The following CCSER1 variants were observed in gnomAD, a reference collection of about 807,000 sequenced individuals.
CCSER1 encodes the protein coiled-coil serine rich protein 1.
Under a neutral mutation model 82.0 loss-of-function variants are expected in CCSER1, and 41 were observed. The ratio of observed to expected loss-of-function variants is 0.50; its 90% CI spans 0.39 to 0.65. The LOEUF is 0.65. CCSER1 is among the 30% of genes least tolerant of loss of function. CCSER1 has a pLI of 0.00. For synonymous variants in CCSER1, 414 were observed against 383.9 expected, an observed-to-expected ratio of 1.08 and a Z score of -0.92; for missense variants, 1,119 against 1,064.2, an observed-to-expected ratio of 1.05 and a Z score of -0.72.
intron 10 of CCSER1, among the ~76,000 whole-genome samples, chr4:91,087,828 T>G (rs1334224557): frequency 6.6e-6 from 1 of 152,132 alleles, no homozygotes; most frequent in Non-Finnish European, 1.5e-5. Context: ...TTAAGCATAT[T>G]TCTATTCAAT....
intron 9 of CCSER1, among the ~76,000 whole-genome samples, chr4:90,994,527 A>G (rs1255298244): frequency 6.6e-6 from 1 of 152,090 alleles, no homozygotes; most frequent in East Asian, 1.9e-4. Context: ...ACCATCATAA[A>G]TTGGAGACCA....
chr4:91,535,029 G>A (rs913723445), intron 10 of CCSER1, among the ~76,000 whole-genome samples: 14 of 151,790 alleles, frequency 9.2e-5, no homozygotes, highest in African/African-American at 3.1e-4. Context: ...CTCTACTACA[G>A]ATAATTTTAT....
intron 9 of CCSER1, among the ~76,000 whole-genome samples, chr4:91,016,008 G>C (rs895256216): frequency 1.3e-5 from 2 of 151,826 alleles, no homozygotes; most frequent in Admixed American, 6.6e-5. Context: ...ATGTTCATTC[G>C]TCTGAATACT....
At chr4:90,715,943 A>G (rs761201880) in intron 6 of CCSER1, among the ~76,000 whole-genome samples, 21 of 151,932 alleles carry the variant, frequency 1.4e-4, no homozygotes, top group Non-Finnish European at 2.5e-4. Context: ...CTAGTTAACT[A>G]CATTATAATA....
rs567612965 is a variant in CCSER1, at chr4:91,170,675, C to T, written c.2217+84681C>T. Among the ~76,000 whole-genome samples the T allele has an allele frequency of 2.0e-5, 3 of 152,264 alleles. No homozygotes were observed. In the East Asian group the frequency reaches 5.8e-4, roughly 29 times the overall value. On this transcript the variant is annotated intron_variant, in intron 10 of 10. Transcript: ENST00000509176. ...TCAAAAATCATTTTTAGTAGAAACT[C>T]ATTGTATAAGATTACACACCCACTA...
intron 10 of CCSER1, among the ~76,000 whole-genome samples, chr4:91,441,360 A>C (rs1229396350): frequency 1.3e-5 from 2 of 152,220 alleles, no homozygotes; most frequent in African/African-American, 2.4e-5. Context: ...ACAGAACCAA[A>C]GACAAAAACC....
intron 7 of CCSER1, among the ~76,000 whole-genome samples, chr4:90,810,544 G>A (rs1370698039): frequency 1.3e-5 from 2 of 151,934 alleles, no homozygotes; most frequent in African/African-American, 2.4e-5. Flanking sequence ...AGCTACTCGG[G>A]AGGCTGAGGC....
chr4:90,880,972 C>T (rs538746390), intron 8 of CCSER1, among the ~76,000 whole-genome samples: 1 of 151,682 alleles, frequency 6.6e-6, no homozygotes, highest in Middle Eastern at 3.4e-3. Context: ...TTTACCTGCC[C>T]CTTTTGCCCC....
At chr4:91,233,726 G>T (rs1327779841) in intron 10 of CCSER1, among the ~76,000 whole-genome samples, 1 of 151,820 alleles carries the variant, frequency 6.6e-6, no homozygotes, top group Non-Finnish European at 1.5e-5. Flanking sequence ...ATATATCTCT[G>T]CTCACAACAG....
chr4:90,473,932 G>A (rs1169802806), intron 5 of CCSER1, among the ~76,000 whole-genome samples: 1 of 152,158 alleles, frequency 6.6e-6, no homozygotes, highest in Non-Finnish European at 1.5e-5. Context: ...ACTCTGCATA[G>A]TGCTAGGGGT....
intron 9 of CCSER1, among the ~76,000 whole-genome samples, chr4:91,041,666 A>G (rs1316366270): frequency 1.3e-5 from 2 of 152,198 alleles, no homozygotes; most frequent in Non-Finnish European, 2.9e-5. Flanking sequence ...AAAAAAATGT[A>G]AGCACCTTCA....
At chr4:91,184,091 G>T (rs1258423972) in intron 10 of CCSER1, among the ~76,000 whole-genome samples, 1 of 152,192 alleles carries the variant, frequency 6.6e-6, no homozygotes, top group Non-Finnish European at 1.5e-5. Context: ...ACCAGCACAA[G>T]AAATCGAATT....
At position 91,287,127 on chromosome 4, in the gene CCSER1, A is replaced by G. The variant is rs192715923; in HGVS notation, c.2217+201133A>G. Among the ~76,000 whole-genome samples the G allele has an allele frequency of 1.4e-4, 22 of 152,010 alleles. No individual in the cohort carries two copies. The East Asian group carries it at 4.1e-3, about 28-fold the overall frequency. Reference sequence around the variant, plus strand: ...GGTACCTTAAAAACATACCTACCCTAATTTCCAGTCAAGTTTTTTTCCTAC... The same window carrying G: ...GGTACCTTAAAAACATACCTACCCTGATTTCCAGTCAAGTTTTTTTCCTAC... On this transcript the variant is annotated intron_variant, in intron 10 of 10. Transcript: ENST00000509176.
intron 1 of CCSER1, among the ~76,000 whole-genome samples, chr4:90,239,827 G>T (rs1578693063): frequency 6.6e-6 from 1 of 152,120 alleles, no homozygotes; most frequent in Non-Finnish European, 1.5e-5. Context: ...ATTTCCAAAT[G>T]TGAATCATAA....
At chr4:91,239,207 A>T (rs1399593153) in intron 10 of CCSER1, among the ~76,000 whole-genome samples, 1 of 124,090 alleles carries the variant, frequency 8.1e-6, no homozygotes, top group Non-Finnish European at 1.7e-5. Flanking sequence ...GGGATAACTC[A>T]AGTATAAGGA....
intron 10 of CCSER1, among the ~76,000 whole-genome samples, chr4:91,581,246 C>T (rs1053034923): frequency 6.6e-6 from 1 of 151,634 alleles, no homozygotes; most frequent in Admixed American, 6.6e-5. Context: ...TCTTCACCAG[C>T]GATATTAGAT....
intron 10 of CCSER1, among the ~76,000 whole-genome samples, chr4:91,439,774 C>T (rs1754976080): frequency 1.3e-5 from 2 of 151,886 alleles, no homozygotes; most frequent in Middle Eastern, 3.2e-3. Flanking sequence ...GGAAGATCTA[C>T]CAAGCAAATG....
chr4:90,248,937 C>T (rs983311972), intron 1 of CCSER1, among the ~76,000 whole-genome samples: 3 of 151,954 alleles, frequency 2.0e-5, no homozygotes, highest in African/African-American at 4.8e-5. Flanking sequence ...TAATCTCAGA[C>T]GATCCGCCTT....
At chr4:90,939,389 T>C (rs1350458817) in intron 9 of CCSER1, among the ~76,000 whole-genome samples, 1 of 152,218 alleles carries the variant, frequency 6.6e-6, no homozygotes, top group Admixed American at 6.5e-5. Context: ...AGGATATCTG[T>C]GGCCTGGACT....
Sources: gnomAD v4.1 joint callset for allele counts (sites outside exome capture counted in the v4.1 genomes callset) on GRCh38, gnomAD v4.1.1 for gene constraint, MANE v1.5 for transcripts, NCBI Gene and HGNC (gene_info 2026-07-23, HGNC 2026-07-21) for gene names.